Variants in HAGH observed in about 807,000 individuals in gnomAD.
HAGH encodes the protein hydroxyacylglutathione hydrolase.
In HAGH, 29 loss-of-function variants were observed where a neutral mutation model predicts 35.1. The observed-to-expected ratio is 0.83, with a 90% CI of 0.62 to 1.13. The LOEUF (loss-of-function observed/expected upper bound fraction) is 1.13. Among genes scored for constraint, HAGH ranks in the 50% most tolerant of loss-of-function variants. The probability of loss-of-function intolerance (pLI) is 0.00; values close to 1 mark genes in which losing one functional copy is unlikely to be tolerated. For synonymous variants in HAGH, 225 were observed against 176.1 expected, an observed-to-expected ratio of 1.28 and a Z score of -2.20; for missense variants, 478 against 419.6, an observed-to-expected ratio of 1.14 and a Z score of -1.22.
At position 1,822,208 on chromosome 16, in the gene HAGH, G is replaced by A. The variant is rs148647919; in HGVS notation, c.314+92C>T. The A allele has an allele frequency of 3.9e-3, 3,113 of 791,640 alleles. 20 individuals are homozygous for A. Among genetic ancestry groups the A allele is most frequent in the Middle Eastern group, 0.011 (50 of 4,456 alleles). The allele number at this position is 791,640 out of a possible 1,614,324, so 49.0% of individuals were successfully genotyped here. ...GGCTTGTCCTCACAAAGCAGACAGA[G>A]CCGTGGGGGGAGACAGGCCTTGATG... On this transcript the variant is annotated intron_variant, in intron 3 of 8. Coordinates refer to ENST00000397356, the MANE Select transcript of HAGH (RefSeq NM_005326.6).
At position 1,819,225 on chromosome 16, in the gene HAGH, T is replaced by C; in HGVS notation, c.433-2A>G. On this transcript the variant is annotated splice_acceptor_variant, in intron 4 of 8. Transcript: ENST00000397356. LOFTEE classifies it high-confidence loss of function. ...GCACTTGACGTTCAGAGACCCCACC[T>C]TCAACAAAGCAGGCGACCGCGTGTG... The C allele has an allele frequency of 6.3e-7, 1 of 1,598,254 alleles. No individual in the cohort carries two copies. Among genetic ancestry groups the C allele is most frequent in the Non-Finnish European group, 8.6e-7 (1 of 1,167,372 alleles).
intron 7 of HAGH, among the ~76,000 whole-genome samples, chr16:1,812,894 GTGGTGTGCCGAAAGACACGGACCAGC>G (rs1292882865): frequency 6.3e-5 from 8 of 126,424 alleles, no homozygotes; most frequent in Admixed American, 2.2e-4. Context: ...GCTCCACCGT[GTGGTGTGCCGAAAGACACGGACCAGC>G]TGGTGTGCCC....
At chr16:1,810,015 A>C in intron 7 of HAGH, 182 bp from the exon 8 acceptor site, 4 of 591,530 alleles carry the variant, frequency 6.8e-6, no homozygotes, top group Non-Finnish European at 1.2e-5. Context: ...AATACAAAAA[A>C]CTAGCCAGGC....
At chr16:1,824,620 C>A (rs1317214228) in intron 1 of HAGH, among the ~76,000 whole-genome samples, 1 of 152,176 alleles carries the variant, frequency 6.6e-6, no homozygotes, top group Non-Finnish European at 1.5e-5. Flanking sequence ...GGGCTTCTCC[C>A]AAAAGGGATC....
chr16:1,820,672 C>T (rs1046789509), intron 3 of HAGH, among the ~76,000 whole-genome samples: 9 of 152,250 alleles, frequency 5.9e-5, no homozygotes, highest in East Asian at 1.9e-4. Context: ...GGGCCCTTCC[C>T]GGGTCTCACA....
In HAGH at chr16:1,826,782, C is replaced by T. The variant is rs1596949734; in HGVS notation, c.6G>A (p.Val2=). 2 of 1,214,560 alleles carry T rather than the reference C, an allele frequency of 1.6e-6. No homozygotes were observed. Among genetic ancestry groups the T allele is most frequent in the Non-Finnish European group, 2.0e-6 (2 of 975,742 alleles). 75.2% of individuals were successfully genotyped at this position (1,214,560 alleles called of 1,614,324 possible). A position where few individuals can be genotyped will look rare whatever the true frequency, so the allele number is the denominator to read the frequency against. ...GGCGGCCGAGCAGCCCTCGGCCCAC[C>T]ACCATGACCCGGGCCGGGCTGGACT... is the stretch of plus-strand genomic sequence containing the variant. M[V]VGRGLLGRRS... Residue 2 remains valine, a synonymous_variant, in exon 1 of 9, where the codon GTG becomes GTA. Coordinates refer to ENST00000397356, the MANE Select transcript of HAGH (RefSeq NM_005326.6).
At chr16:1,825,584 A>C (rs1407830888) in intron 1 of HAGH, among the ~76,000 whole-genome samples, 1 of 152,116 alleles carries the variant, frequency 6.6e-6, no homozygotes, top group African/African-American at 2.4e-5. Context: ...CAAAAACAAA[A>C]AAAAATTGAG....
At chr16:1,824,166 G>A (rs1459982538) in intron 1 of HAGH, among the ~76,000 whole-genome samples, 1 of 151,416 alleles carries the variant, frequency 6.6e-6, no homozygotes, top group Non-Finnish European at 1.5e-5. Context: ...AAGTTTCAGT[G>A]AGCCAAGATC....
chr16:1,824,458 G>C (rs549227145), intron 1 of HAGH, among the ~76,000 whole-genome samples: 23 of 152,226 alleles, frequency 1.5e-4, no homozygotes, highest in Non-Finnish European at 2.6e-4. Flanking sequence ...CCACCCAGTC[G>C]ACCAATGCAA....
At chr16:1,824,750 G>GCACAAAGATATCCTATTA (rs1462485535) in intron 1 of HAGH, among the ~76,000 whole-genome samples, 1 of 152,136 alleles carries the variant, frequency 6.6e-6, no homozygotes, top group African/African-American at 2.4e-5. Flanking sequence ...TTCAATCACT[G>GCACAAAGATATCCTATTA]CACAAAGATA....
At chr16:1,826,130 C>G (rs1194776735) in intron 1 of HAGH, among the ~76,000 whole-genome samples, 1 of 152,198 alleles carries the variant, frequency 6.6e-6, no homozygotes, top group Non-Finnish European at 1.5e-5. Context: ...ATCTGGAAAC[C>G]GCCAGGGACG....
At chr16:1,816,844 G>A (rs895076890) in intron 7 of HAGH, 49 bp downstream of exon 7, 10 of 1,165,494 alleles carry the variant, frequency 8.6e-6, no homozygotes, top group South Asian at 3.7e-5. Flanking sequence ...GTGCACAGCG[G>A]CCCTGAGCAG....
upstream of HAGH, chr16:1,827,131 C>T: frequency 4.8e-6 from 7 of 1,453,196 alleles, no homozygotes; most frequent in South Asian, 8.0e-5. Flanking sequence ...TGGAACGGGC[C>T]GTCGCTGCGG....
intron 7 of HAGH, among the ~76,000 whole-genome samples, chr16:1,815,722 C>G (rs1233065584): frequency 6.6e-6 from 1 of 152,090 alleles, no homozygotes; most frequent in Non-Finnish European, 1.5e-5. Flanking sequence ...TCTGTCCACT[C>G]AAGACAGACA....
At chr16:1,814,625 C>T (rs1383563817) in intron 7 of HAGH, among the ~76,000 whole-genome samples, 1 of 151,966 alleles carries the variant, frequency 6.6e-6, no homozygotes, top group African/African-American at 2.4e-5. Flanking sequence ...CTCAGCTGGG[C>T]GTGGTGGGTC....
intron 8 of HAGH, 21 bp downstream of exon 8, chr16:1,809,733 A>T: frequency 6.4e-7 from 1 of 1,574,162 alleles, no homozygotes; most frequent in Non-Finnish European, 8.7e-7. Flanking sequence ...GCCCGCGCCC[A>T]CCACCTGCCC....
chr16:1,809,798 G>A lies in HAGH; in HGVS notation c.783C>T (p.Ser261=). Residue 261 remains serine, a synonymous_variant, in exon 8 of 9, where the codon TCC becomes TCT. Coordinates refer to ENST00000397356, the MANE Select transcript of HAGH (RefSeq NM_005326.6). ...KYSIGEPTVP[S]TLAEEFTYNP... ...TGTAGGTAAACTCCTCTGCCAGGGTGGATGGCACTGTGGGCTCCCCGATGC... is the reference window on the plus strand; with the variant it reads ...TGTAGGTAAACTCCTCTGCCAGGGTAGATGGCACTGTGGGCTCCCCGATGC... 4 of 1,613,818 alleles carry A rather than the reference G, an allele frequency of 2.5e-6. No individual in the cohort carries two copies. The highest frequency in any genetic ancestry group is 3.4e-6 in the Non-Finnish European group (4 of 1,179,682).
Position 1,826,795 on chromosome 16 carries a change from G to A in HAGH, c.-8C>T, listed in dbSNP as rs1322554737. 1.6e-6 allele frequency: 2 copies of A among 1,218,742 alleles called. No homozygotes were observed. The highest frequency in any genetic ancestry group is 4.3e-5 in the Admixed American group (1 of 23,288). 75.5% of individuals were successfully genotyped at this position (1,218,742 alleles called of 1,614,324 possible). A position where few individuals can be genotyped will look rare whatever the true frequency, so the allele number is the denominator to read the frequency against. On this transcript the variant is annotated 5_prime_UTR_variant, in exon 1 of 9. Coordinates refer to ENST00000397356, the MANE Select transcript of HAGH (RefSeq NM_005326.6). ...CCCTCGGCCCACCACCATGACCCGG[G>A]CCGGGCTGGACTGCCGAGCTGCCCA...
At chr16:1,826,412 C>A (rs1264135362) in intron 1 of HAGH, 3 of 328,354 alleles carry the variant, frequency 9.1e-6, no homozygotes, top group Non-Finnish European at 8.7e-6. Context: ...TCGGCGCCGG[C>A]CCGGGCAGGA....
Sources: gnomAD v4.1 joint callset for allele counts (sites outside exome capture counted in the v4.1 genomes callset) on GRCh38, gnomAD v4.1.1 for gene constraint, MANE v1.5 for transcripts, NCBI Gene and HGNC (gene_info 2026-07-23, HGNC 2026-07-21) for gene names.